Variants in SHANK2 observed in about 807,000 individuals in gnomAD.
SHANK2 encodes the protein SH3 and multiple ankyrin repeat domains protein 2.
A neutral mutation model predicts 133.7 loss-of-function variants in SHANK2; 43 were observed. That is an observed-to-expected ratio of 0.32 (90% CI 0.25 to 0.41). The LOEUF (loss-of-function observed/expected upper bound fraction) is 0.41. Among genes scored for constraint, SHANK2 ranks in the 10% least tolerant of loss-of-function variants. The pLI is 1.00. For synonymous variants in SHANK2, 1,017 were observed against 952.8 expected, an observed-to-expected ratio of 1.07 and a Z score of -1.24; for missense variants, 1,994 against 2,235.8, an observed-to-expected ratio of 0.89 and a Z score of 2.18.
At chr11:70,656,882 G>A (rs1293961179) in intron 17 of SHANK2, among the ~76,000 whole-genome samples, 2 of 152,144 alleles carry the variant, frequency 1.3e-5, no homozygotes, top group Admixed American at 6.5e-5. Context: ...AGCTTAGGTA[G>A]GAGAGAAATA....
intron 5 of SHANK2, among the ~76,000 whole-genome samples, chr11:71,111,169 T>C (rs1050520030): frequency 6.6e-6 from 1 of 152,248 alleles, no homozygotes; most frequent in African/African-American, 2.4e-5. Flanking sequence ...AGACACTTGC[T>C]GAGAGCTATG....
intron 10 of SHANK2, among the ~76,000 whole-genome samples, chr11:70,914,763 C>T (rs1038553738): frequency 3.5e-5 from 5 of 143,922 alleles, no homozygotes; most frequent in South Asian, 4.4e-4. Flanking sequence ...TGGTAGCGCA[C>T]ACCTGTAACC....
At chr11:71,250,764 C>T (rs1170767378) in intron 1 of SHANK2, among the ~76,000 whole-genome samples, 1 of 152,090 alleles carries the variant, frequency 6.6e-6, no homozygotes, top group East Asian at 1.9e-4. Flanking sequence ...GGGGTTAAGG[C>T]TGAATCTGCC....
intron 14 of SHANK2, among the ~76,000 whole-genome samples, chr11:70,770,195 CACTTGATGTGTG>C (rs1947216777): frequency 6.6e-6 from 1 of 152,218 alleles, no homozygotes; most frequent in African/African-American, 2.4e-5. Context: ...TGCTGCCGCC[CACTTGATGTGTG>C]ACTTGGAGCT....
intron 2 of SHANK2, among the ~76,000 whole-genome samples, chr11:71,153,094 CA>C (rs766812967): frequency 1.3e-5 from 2 of 152,252 alleles, no homozygotes; most frequent in East Asian, 1.9e-4. Flanking sequence ...ATGGGAGAGC[CA>C]GGGGGGCTGG....
chr11:70,636,771 CATCTGTGTGAGCA>C (rs2061104539), intron 17 of SHANK2, among the ~76,000 whole-genome samples: 1 of 142,392 alleles, frequency 7.0e-6, no homozygotes, highest in Non-Finnish European at 1.6e-5. Flanking sequence ...TGTGTGTGAG[CATCTGTGTGAGCA>C]TGTGTGAGCG....
At chr11:70,531,066 T>C (rs2059461289) in intron 17 of SHANK2, among the ~76,000 whole-genome samples, 1 of 140,882 alleles carries the variant, frequency 7.1e-6, no homozygotes, top group South Asian at 2.2e-4. Flanking sequence ...ACATCTGTAA[T>C]CCCAGCTACT....
At chr11:70,896,877 G>A (rs1949944025) in intron 10 of SHANK2, among the ~76,000 whole-genome samples, 2 of 152,148 alleles carry the variant, frequency 1.3e-5, no homozygotes, top group African/African-American at 4.8e-5. Context: ...GCCTGAGTCT[G>A]GAAATCTCCC....
chr11:70,759,019 C>T (rs540168338), intron 14 of SHANK2, among the ~76,000 whole-genome samples: 20 of 152,098 alleles, frequency 1.3e-4, no homozygotes, highest in African/African-American at 4.1e-4. Context: ...ATTAGCCAGG[C>T]GTGGTGGTGT....
chr11:70,921,019 G>A (rs1565406753), intron 10 of SHANK2, among the ~76,000 whole-genome samples: 1 of 152,142 alleles, frequency 6.6e-6, no homozygotes, highest in Non-Finnish European at 1.5e-5. Flanking sequence ...CTGATTCCAT[G>A]TCTGAGACAA....
At chr11:70,647,460 G>A (rs1555008748) in intron 17 of SHANK2, 1 of 152,216 alleles carries the variant, frequency 6.6e-6, no homozygotes, top group Non-Finnish European at 1.5e-5. Flanking sequence ...GAACAGCCTG[G>A]CTCTACCACT....
intron 17 of SHANK2, among the ~76,000 whole-genome samples, chr11:70,656,213 T>C (rs1031675175): frequency 6.6e-6 from 1 of 152,144 alleles, no homozygotes; most frequent in East Asian, 1.9e-4. Context: ...TTCAGCAAAC[T>C]CTTATGGCAG....
chr11:71,126,130 A>G (rs183307402), intron 3 of SHANK2, among the ~76,000 whole-genome samples: 1 of 140,494 alleles, frequency 7.1e-6, no homozygotes, highest in Non-Finnish European at 1.5e-5. Flanking sequence ...AGGCAGGAGA[A>G]TTGCTAGAAC....
intron 17 of SHANK2, among the ~76,000 whole-genome samples, chr11:70,559,720 A>G (rs1430473635): frequency 2.0e-5 from 3 of 152,042 alleles, no homozygotes; most frequent in Non-Finnish European, 4.4e-5. Flanking sequence ...CGTGCATCGT[A>G]ACCTCTCCCC....
At chr11:70,536,889 C>T (rs1331200021) in intron 17 of SHANK2, among the ~76,000 whole-genome samples, 2 of 152,174 alleles carry the variant, frequency 1.3e-5, no homozygotes, top group South Asian at 2.1e-4. Context: ...GAGCTCATCC[C>T]AGCCCAGTGT....
chr11:70,516,332 G>A (rs2059266014), intron 17 of SHANK2, among the ~76,000 whole-genome samples: 2 of 152,204 alleles, frequency 1.3e-5, no homozygotes, highest in African/African-American at 4.8e-5. Flanking sequence ...CACAAATAGA[G>A]TCAACTGATC....
intron 14 of SHANK2, among the ~76,000 whole-genome samples, chr11:70,760,295 G>C (rs535320590): frequency 9.2e-5 from 14 of 152,216 alleles, no homozygotes; most frequent in Non-Finnish European, 1.8e-4. Context: ...CCTCCTCGAA[G>C]CGCCTGCCTC....
chr11:71,065,043 G>A lies in SHANK2; in HGVS notation c.1030-8485C>T, dbSNP rs928847309. Among the ~76,000 whole-genome samples, 234 of 152,260 alleles carry A rather than the reference G, an allele frequency of 1.5e-3. 1 individual carries two copies. The highest frequency in any genetic ancestry group is 6.8e-3 in the East Asian group (35 of 5,174). On this transcript the variant is annotated intron_variant, in intron 9 of 25. Coordinates refer to ENST00000601538, the MANE Select transcript of SHANK2 (RefSeq NM_012309.5). The stretch of plus-strand genomic sequence containing the variant: ...GGTAACAGGAGCGTGCAGTGCAGAC[G>A]CCGAGAGATGCCACAGAAACGTTGA...
At chr11:71,153,084 A>T (rs763129397) in intron 2 of SHANK2, among the ~76,000 whole-genome samples, 25 of 152,154 alleles carry the variant, frequency 1.6e-4, no homozygotes, top group Non-Finnish European at 3.1e-4. Context: ...TGGCAACACC[A>T]TGGGAGAGCC....
Sources: gnomAD v4.1 joint callset for allele counts (sites outside exome capture counted in the v4.1 genomes callset) on GRCh38, gnomAD v4.1.1 for gene constraint, MANE v1.5 for transcripts, NCBI Gene and HGNC (gene_info 2026-07-23, HGNC 2026-07-21) for gene names.